The following ITGAE variants were observed in gnomAD, a reference collection of about 807,000 sequenced individuals.
The protein encoded by ITGAE is integrin subunit alpha E, also known as integrin alpha-E.
Under a neutral mutation model 136.5 loss-of-function variants are expected in ITGAE, and 99 were observed. The observed-to-expected ratio is 0.73, with a 90% confidence interval of 0.62 to 0.86. The LOEUF is 0.86. Ranked by LOEUF, ITGAE falls within the 40% of genes least tolerant of loss-of-function variation. The pLI, the probability that ITGAE is intolerant of heterozygous loss-of-function variation, is 0.00. For missense variants in ITGAE, 1,447 were observed against 1,515.3 expected, an observed-to-expected ratio of 0.95 and a Z score of 0.75; for synonymous variants, 613 against 591.8, an observed-to-expected ratio of 1.04 and a Z score of -0.52.
chr17:3,789,576 C>A (rs2052889385), intron 1 of ITGAE, among the ~76,000 whole-genome samples: 1 of 151,812 alleles, frequency 6.6e-6, no homozygotes. Flanking sequence ...TCTCGGCTCA[C>A]TGCAACCTCT....
chr17:3,743,669 T>A lies in ITGAE; in HGVS notation c.2320-52A>T, dbSNP rs202192364. 269 of 1,482,250 alleles carry A rather than the reference T, an allele frequency of 1.8e-4. No individual in the cohort carries two copies. Among genetic ancestry groups the A allele is most frequent in the Middle Eastern group, 1.7e-4 (1 of 5,726 alleles). The allele number at this position is 1,482,250 out of a possible 1,614,324, so 91.8% of individuals were successfully genotyped here. A position where few individuals can be genotyped will look rare whatever the true frequency, so the allele number is the denominator to read the frequency against. ...TTAGAGTTGGATGTGGGGGAGAAGATGACAACAATAATGCTTTTTTTCTTT... is the reference window on the plus strand; with the variant it reads ...TTAGAGTTGGATGTGGGGGAGAAGAAGACAACAATAATGCTTTTTTTCTTT... On this transcript the variant is annotated intron_variant, in intron 18 of 30. Transcript: ENST00000263087.
intron 23 of ITGAE, 71 bp downstream of exon 23, chr17:3,731,033 A>C: frequency 7.9e-7 from 1 of 1,270,136 alleles, no homozygotes; most frequent in East Asian, 2.3e-5. Flanking sequence ...TTCCTCTCAC[A>C]GCGTGCATGT....
intron 1 of ITGAE, among the ~76,000 whole-genome samples, chr17:3,800,563 GCCTCC>G (rs2053230686): frequency 6.6e-6 from 1 of 152,080 alleles, no homozygotes. Context: ...CAGCAGAAGT[GCCTCC>G]CCCCACCCCA....
In ITGAE at chr17:3,755,117, C is replaced by A; in HGVS notation, c.1384G>T (p.Gly462Cys). Residue 462 changes from glycine to cysteine, a missense_variant and splice_region_variant, in exon 12 of 31, where the codon GGT (glycine) becomes TGT (cysteine). Transcript: ENST00000263087. ...CCTCATCAGGTGGCCCCGCCCTCACCCAGGTAGCTGTACTGCGCAGCCTCC... is the reference window on the plus strand; with the variant it reads ...CCTCATCAGGTGGCCCCGCCCTCACACAGGTAGCTGTACTGCGCAGCCTCC... ...DAEAAQYSYL[G>C]YAVAVLHKTC... is the part of the protein sequence containing the mutation. 6.3e-7 allele frequency: 1 copy of A among 1,586,112 alleles called. No homozygotes were observed. Among genetic ancestry groups the A allele is most frequent in the Non-Finnish European group, 8.6e-7 (1 of 1,169,220 alleles).
chr17:3,736,461 CA>C (rs1279628848), intron 20 of ITGAE, among the ~76,000 whole-genome samples: 1 of 152,182 alleles, frequency 6.6e-6, no homozygotes, highest in Non-Finnish European at 1.5e-5. Context: ...ATCCATGCCA[CA>C]ATATTTATGG....
At chr17:3,781,168 G>A (rs1292579718) in intron 1 of ITGAE, among the ~76,000 whole-genome samples, 1 of 152,094 alleles carries the variant, frequency 6.6e-6, no homozygotes, top group Non-Finnish European at 1.5e-5. Flanking sequence ...TATAGATGCC[G>A]CTTCTCACGC....
At chr17:3,760,021 A>G in intron 7 of ITGAE, 151 bp downstream of exon 7, 1 of 618,824 alleles carries the variant, frequency 1.6e-6, no homozygotes, top group Non-Finnish European at 2.9e-6. Flanking sequence ...CTCCAGGGTA[A>G]CTCCAGGCAA....
chr17:3,736,209 T>C (rs1304110651), intron 20 of ITGAE, among the ~76,000 whole-genome samples: 2 of 152,058 alleles, frequency 1.3e-5, no homozygotes, highest in Non-Finnish European at 2.9e-5. Flanking sequence ...TTCAGGAGGC[T>C]GAGGCAGGAG....
intron 26 of ITGAE, chr17:3,724,353 A>T: frequency 6.3e-7 from 1 of 1,599,690 alleles, no homozygotes; most frequent in Middle Eastern, 1.7e-4. Flanking sequence ...GCCCTTCCCC[A>T]GCCGCGACTC....
chr17:3,777,061 C>T (rs1418661863), intron 2 of ITGAE, among the ~76,000 whole-genome samples: 4 of 150,942 alleles, frequency 2.7e-5, no homozygotes, highest in South Asian at 2.1e-4. Context: ...CCCGGGTTCA[C>T]GCCATTCTCC....
intron 28 of ITGAE, among the ~76,000 whole-genome samples, chr17:3,723,060 T>A (rs1234433897): frequency 6.6e-6 from 1 of 152,176 alleles, no homozygotes; most frequent in Non-Finnish European, 1.5e-5. Flanking sequence ...CGTGGGGATG[T>A]AGGAAAGAGG....
At chr17:3,720,025 C>A (rs1226901473) in intron 29 of ITGAE, among the ~76,000 whole-genome samples, 1 of 152,152 alleles carries the variant, frequency 6.6e-6, no homozygotes, top group Admixed American at 6.5e-5. Context: ...CTGCGCCCAG[C>A]TGCGAAATTT....
intron 23 of ITGAE, chr17:3,729,759 T>G: frequency 2.1e-6 from 1 of 476,504 alleles, no homozygotes. Context: ...CATACCCAGT[T>G]AATTTTTGTA....
chr17:3,796,135 A>ATGTGTGTG (rs145464471), intron 1 of ITGAE, among the ~76,000 whole-genome samples: 1 of 20,380 alleles, frequency 4.9e-5, no homozygotes, highest in Admixed American at 6.0e-4. Context: ...GTGTGCATCC[A>ATGTGTGTG]TGTGTGTGCA....
chr17:3,800,608 C>T (rs1456386877), intron 1 of ITGAE, among the ~76,000 whole-genome samples: 2 of 152,138 alleles, frequency 1.3e-5, no homozygotes, highest in Non-Finnish European at 2.9e-5. Context: ...GGCCTGACAA[C>T]ACAGGAAGCA....
At chr17:3,769,539 G>A (rs151246371) in intron 2 of ITGAE, among the ~76,000 whole-genome samples, 787 of 152,310 alleles carry the variant, frequency 5.2e-3, no homozygotes, top group Admixed American at 9.0e-3. Context: ...TGACCACGTG[G>A]CTGACAAACC....
rs2051257263 is a variant in ITGAE at position 3,728,133 on chromosome 17, A to G, written c.2948T>C (p.Leu983Pro). 8 of 1,613,480 alleles carry G rather than the reference A, an allele frequency of 5.0e-6. No individual in the cohort carries two copies. Among genetic ancestry groups the G allele is most frequent in the Non-Finnish European group, 5.1e-6 (6 of 1,179,468 alleles). ...GAAGAGGAATTCTTTGTGGTGAGAA[A>G]GCCCCTGGCCTGTGTTCACGTACAT... ...SIMYVNTGQG[L>P]SHHKEFLFHV... The change falls in exon 25 of 31, where the codon CTT becomes CCT. Residue 983 changes from leucine to proline, a missense_variant. By Grantham distance (98) the Leu-to-Pro change is moderately conservative (BLOSUM62 -3). Transcript: ENST00000263087.
intron 2 of ITGAE, among the ~76,000 whole-genome samples, chr17:3,771,819 G>T (rs2052430810): frequency 6.6e-6 from 1 of 152,188 alleles, no homozygotes; most frequent in Non-Finnish European, 1.5e-5. Flanking sequence ...TGACAGGCGT[G>T]AGCCCCCGCG....
In ITGAE at chr17:3,729,465, T is replaced by C. The variant is rs1376497747; in HGVS notation, c.2912+13A>G. 3 of 1,577,532 alleles carry C rather than the reference T, an allele frequency of 1.9e-6. No homozygotes were observed. The highest frequency in any genetic ancestry group is 1.7e-6 in the Non-Finnish European group (2 of 1,146,814). On this transcript the variant is annotated intron_variant, in intron 24 of 30. Coordinates refer to ENST00000263087, the MANE Select transcript of ITGAE (RefSeq NM_002208.5). ...TGGAGTCACACCGCTGCTGGCCTCT[T>C]GGGAGTACTCACTTGGACAGAACTG... is the stretch of plus-strand genomic sequence containing the variant.
Sources: allele counts gnomAD v4.1 joint callset (sites outside exome capture counted in the v4.1 genomes callset), GRCh38; gene constraint gnomAD v4.1.1; transcripts MANE v1.5; gene names NCBI Gene and HGNC (gene_info 2026-07-23, HGNC 2026-07-21).